Variants in RGS6 observed in about 807,000 individuals in gnomAD.
The protein encoded by RGS6 is regulator of G protein signaling 6.
RGS6 carries 30 observed loss-of-function variants against 78.5 expected under a neutral mutation model. The observed-to-expected ratio is 0.38, with a 90% confidence interval of 0.29 to 0.52. RGS6 has a LOEUF of 0.52. Among genes scored for constraint, RGS6 ranks in the 20% least tolerant of loss-of-function variants. RGS6 has a pLI of 0.85. For synonymous variants in RGS6, 206 were observed against 206.0 expected (o/e 1.00, Z 0.00); for missense variants, 495 against 609.7 (o/e 0.81, Z 1.98).
chr14:72,399,675 T>C (rs1443711956), intron 3 of RGS6, among the ~76,000 whole-genome samples: 6 of 152,144 alleles, frequency 3.9e-5, no homozygotes, highest in African/African-American at 1.2e-4. Flanking sequence ...GTACCAGTTG[T>C]TCCTTTCCAT....
intron 3 of RGS6, among the ~76,000 whole-genome samples, chr14:72,363,124 G>A (rs1422254992): frequency 6.6e-6 from 1 of 152,174 alleles, no homozygotes; most frequent in African/African-American, 2.4e-5. Flanking sequence ...ATATTATAAA[G>A]GAAAGCTGAC....
intron 2 of RGS6, among the ~76,000 whole-genome samples, chr14:72,066,458 T>C (rs1366397407): frequency 2.0e-5 from 3 of 151,706 alleles, no homozygotes; most frequent in East Asian, 3.9e-4. Flanking sequence ...GGAATTTACA[T>C]GTTATATATA....
chr14:72,229,955 A>T (rs1014743476), intron 2 of RGS6, among the ~76,000 whole-genome samples: 4 of 152,320 alleles, frequency 2.6e-5, no homozygotes, highest in African/African-American at 7.2e-5. Flanking sequence ...GTTTGGCCTC[A>T]TTTACATCCT....
chr14:72,531,431 C>CAAAAAAAAAAAAAAAAAAAAAAAAA (rs58751762), intron 15 of RGS6, among the ~76,000 whole-genome samples: 2 of 66,750 alleles, frequency 3.0e-5, no homozygotes, highest in African/African-American at 4.9e-5. Context: ...GACTTTATCT[C>CAAAAAAAAAAAAAAAAAAAAAAAAA]AAAAAAAAAA....
intron 3 of RGS6, among the ~76,000 whole-genome samples, chr14:72,434,486 T>G (rs1728367842): frequency 1.3e-5 from 2 of 152,218 alleles, no homozygotes; most frequent in Admixed American, 6.5e-5. Flanking sequence ...TTCAATGCAC[T>G]GGAATGCCTA....
chr14:72,213,312 A>G (rs2044647522), intron 2 of RGS6, among the ~76,000 whole-genome samples: 1 of 152,176 alleles, frequency 6.6e-6, no homozygotes, highest in African/African-American at 2.4e-5. Flanking sequence ...GGGCCAGGAA[A>G]GAGGCCCCAA....
At chr14:72,207,033 T>C (rs1478057058) in intron 2 of RGS6, among the ~76,000 whole-genome samples, 2 of 152,218 alleles carry the variant, frequency 1.3e-5, no homozygotes, top group East Asian at 3.8e-4. Context: ...ATAATTAGTA[T>C]ACATTGCTTC....
At chr14:72,553,846 C>T (rs2097537453) in intron 17 of RGS6, among the ~76,000 whole-genome samples, 1 of 152,232 alleles carries the variant, frequency 6.6e-6, no homozygotes, top group Non-Finnish European at 1.5e-5. Flanking sequence ...TCTCACATTT[C>T]TACACACTAC....
chr14:72,106,885 T>C (rs1311917011), intron 2 of RGS6, among the ~76,000 whole-genome samples: 1 of 152,172 alleles, frequency 6.6e-6, no homozygotes, highest in African/African-American at 2.4e-5. Context: ...CAAATCTTAG[T>C]CCTGTCCTTT....
intron 3 of RGS6, among the ~76,000 whole-genome samples, chr14:72,390,640 T>G (rs1002517797): frequency 2.0e-5 from 3 of 152,212 alleles, no homozygotes; most frequent in African/African-American, 7.2e-5. Context: ...GGGAAATGTT[T>G]AGAGGTAAAA....
At chr14:71,984,211 A>G (rs1339566881) in intron 2 of RGS6, among the ~76,000 whole-genome samples, 1 of 151,948 alleles carries the variant, frequency 6.6e-6, no homozygotes, top group Admixed American at 6.6e-5. Context: ...GGAGTAAATA[A>G]CTAGTATTAA....
chr14:72,263,534 T>C (rs534060837), intron 2 of RGS6, among the ~76,000 whole-genome samples: 3 of 152,068 alleles, frequency 2.0e-5, no homozygotes, highest in Admixed American at 2.0e-4. Context: ...CCCAAATTCA[T>C]ATGTTAAAGT....
intron 2 of RGS6, among the ~76,000 whole-genome samples, chr14:72,299,640 T>G (rs1456506906): frequency 1.3e-5 from 2 of 152,222 alleles, no homozygotes; most frequent in Non-Finnish European, 2.9e-5. Flanking sequence ...TTGCTAACAC[T>G]TGGTGTCATC....
intron 2 of RGS6, among the ~76,000 whole-genome samples, chr14:72,242,340 G>A (rs1017024190): frequency 1.3e-5 from 2 of 152,142 alleles, no homozygotes; most frequent in African/African-American, 4.8e-5. Flanking sequence ...CCTTTGAGGG[G>A]AGTTAATGGC....
At chr14:72,048,686 C>T (rs1035017238) in intron 2 of RGS6, among the ~76,000 whole-genome samples, 6 of 151,422 alleles carry the variant, frequency 4.0e-5, no homozygotes, top group Admixed American at 1.3e-4. Flanking sequence ...TTTCTTTTTG[C>T]AGATTTTTTT....
intron 2 of RGS6, among the ~76,000 whole-genome samples, chr14:72,257,344 G>A (rs917840585): frequency 6.6e-6 from 1 of 152,140 alleles, no homozygotes; most frequent in Non-Finnish European, 1.5e-5. Flanking sequence ...CTCAGCTTTA[G>A]TGTTGTTAGT....
chr14:72,459,072 T>C (rs1236405894), intron 5 of RGS6, among the ~76,000 whole-genome samples: 1 of 152,202 alleles, frequency 6.6e-6, no homozygotes, highest in African/African-American at 2.4e-5. Context: ...TGGAGCAGCC[T>C]TCATCTGAAC....
At chr14:71,921,354 C>T in the RGS6 span, among the ~76,000 whole-genome samples, 5 of 152,240 alleles carry the variant, frequency 3.3e-5, no homozygotes, top group Admixed American at 1.3e-4. Context: ...TATTACCCAG[C>T]ATTCCCACTA....
At chr14:71,930,734 G>A (rs896757585), upstream of RGS6, among the ~76,000 whole-genome samples, 40 of 152,038 alleles carry the variant, frequency 2.6e-4, no homozygotes, top group African/African-American at 9.4e-4. Flanking sequence ...TGTAATCCCA[G>A]CACTTTGGGT....
Sources: gnomAD v4.1 joint callset for allele counts (sites outside exome capture counted in the v4.1 genomes callset) on GRCh38, gnomAD v4.1.1 for gene constraint, MANE v1.5 for transcripts, NCBI Gene and HGNC (gene_info 2026-07-23, HGNC 2026-07-21) for gene names.